RP9: variants seen among roughly 807,000 people sequenced by gnomAD.
The protein encoded by RP9 is RP9 pre-mRNA splicing factor, also known as retinitis pigmentosa 9 protein.
A neutral mutation model predicts 32.6 loss-of-function variants in RP9; 23 were observed. The observed-to-expected ratio is 0.71, with a 90% CI of 0.51 to 1.00. The LOEUF is 1.00. Ranked by LOEUF, RP9 falls within the 50% of genes least tolerant of loss-of-function variation. RP9 has a pLI of 0.00. For synonymous variants in RP9, 94 were observed against 103.6 expected (o/e 0.91, Z 0.56); for missense variants, 245 against 285.3 (o/e 0.86, Z 1.02).
At chr7:33,101,940 A>C (rs1788432233) in intron 1 of RP9, among the ~76,000 whole-genome samples, 1 of 152,228 alleles carries the variant, frequency 6.6e-6, no homozygotes, top group Non-Finnish European at 1.5e-5. Flanking sequence ...AAGGAGCTTG[A>C]CAGTAAAGTC....
intron 1 of RP9, among the ~76,000 whole-genome samples, chr7:33,102,290 A>G (rs894750132): frequency 6.6e-6 from 1 of 152,210 alleles, no homozygotes; most frequent in Non-Finnish European, 1.5e-5. Context: ...ATGTTCACGC[A>G]CAGTTTAGGT....
In RP9 at chr7:33,109,235, C is replaced by G. The variant is rs760089704; in HGVS notation, c.138G>C (p.Lys46Asn). The change falls in exon 1 of 6, where the codon AAG (lysine) becomes AAC (asparagine). Residue 46 changes from lysine (K) to asparagine (N), a missense_variant. By Grantham distance (94) the Lys-to-Asn change is moderately conservative. Coordinates refer to ENST00000297157, the MANE Select transcript of RP9 (RefSeq NM_203288.2). The surrounding 1 kb of genome is among the most constrained non-coding windows in gnomAD (Gnocchi z 4.9). ...TCGGGACTCACAAGGACTCCAGGTGCTTGAGCTGCTGCAGCTGCTGCGCGT... is the reference window on the plus strand; with the variant it reads ...TCGGGACTCACAAGGACTCCAGGTGGTTGAGCTGCTGCAGCTGCTGCGCGT... ...RHDAQQLQQL[K>N]HLESFYEKPP... 3 of 1,497,244 alleles carry G rather than the reference C, an allele frequency of 2.0e-6. No individual in the cohort carries two copies. In the South Asian group the frequency reaches 3.7e-5, roughly 19 times the overall value. The allele number at this position is 1,497,244 out of a possible 1,614,324, so 92.7% of individuals were successfully genotyped here.
intron 5 of RP9, among the ~76,000 whole-genome samples, chr7:33,095,739 A>G (rs1375371170): frequency 1.3e-5 from 2 of 152,150 alleles, no homozygotes; most frequent in African/African-American, 2.4e-5. Flanking sequence ...CTACTGCTCA[A>G]TTTCTTAATC....
intron 1 of RP9, among the ~76,000 whole-genome samples, chr7:33,108,649 C>A (rs56125367): frequency 0.011 from 1,636 of 152,318 alleles, 19 homozygotes; most frequent in Non-Finnish European, 0.016. Context: ...ATCGGGATAA[C>A]AAAGCAACCT....
chr7:33,100,279 G>T, intron 2 of RP9: 1 of 566,032 alleles, frequency 1.8e-6, no homozygotes, highest in Non-Finnish European at 3.2e-6. Flanking sequence ...CAAGAGAGAA[G>T]AGGGGCATGG....
intron 1 of RP9, among the ~76,000 whole-genome samples, chr7:33,106,931 G>T (rs1026183402): frequency 3.3e-4 from 50 of 150,594 alleles, no homozygotes; most frequent in Non-Finnish European, 6.3e-4. Context: ...GTGACAGAGC[G>T]AGACTCCATC....
At position 33,097,268 on chromosome 7, in the gene RP9, T is replaced by C; in HGVS notation, c.405+3A>G. ...TAAATTGACACTCTTGGACTTTACT[T>C]ACCACTCTGAACTGCTCTAACTTTT... On this transcript the variant is annotated splice_donor_region_variant and intron_variant, in intron 4 of 5. Transcript: ENST00000297157. The C allele has an allele frequency of 6.2e-7, 1 of 1,604,524 alleles. No individual in the cohort carries two copies. Among genetic ancestry groups the C allele is most frequent in the Non-Finnish European group, 8.5e-7 (1 of 1,171,262 alleles).
chr7:33,099,304 C>A lies in RP9; in HGVS notation c.313+3G>T. 1 of 1,612,932 alleles carries A rather than the reference C, an allele frequency of 6.2e-7. No homozygotes were observed. Among genetic ancestry groups the A allele is most frequent in the South Asian group, 1.1e-5 (1 of 91,028 alleles). ...TGGATTAGGGAAACTCTCCCACACT[C>A]ACACTGCATAACTTTGACTTCTTTC... On this transcript the variant is annotated splice_donor_region_variant and intron_variant, in intron 3 of 5. Transcript: ENST00000297157.
chr7:33,106,671 C>T (rs993376010), intron 1 of RP9, among the ~76,000 whole-genome samples: 2 of 152,232 alleles, frequency 1.3e-5, no homozygotes, highest in African/African-American at 4.8e-5. Flanking sequence ...AGTTGGTGGG[C>T]GCAGCGGCTC....
In RP9 at chr7:33,109,195, C is replaced by T; in HGVS notation, c.152+26G>A. On this transcript the variant is annotated intron_variant, in intron 1 of 5. Coordinates refer to ENST00000297157, the MANE Select transcript of RP9 (RefSeq NM_203288.2). This position sits in a 1 kb window ranked among gnomAD's most constrained non-coding sequence, Gnocchi z 4.9. ...GCCCCTGGCTTCAGAAGACTGGCCG[C>T]GCGCGGACGGCAGCTCGGGACTCAC... The T allele has an allele frequency of 2.0e-6, 3 of 1,486,070 alleles. No individual in the cohort carries two copies. The highest frequency in any genetic ancestry group is 2.7e-6 in the Non-Finnish European group (3 of 1,119,784). The allele number at this position is 1,486,070 out of a possible 1,614,324, so 92.1% of individuals were successfully genotyped here.
chr7:33,109,384 C>A lies in RP9; in HGVS notation c.-12G>T. 1 of 1,250,416 alleles carries A rather than the reference C, an allele frequency of 8.0e-7. No homozygotes were observed. The highest frequency in any genetic ancestry group is 2.2e-5 in the South Asian group (1 of 44,816). 77.5% of individuals were successfully genotyped at this position (1,250,416 alleles called of 1,614,324 possible). A position where few individuals can be genotyped will look rare whatever the true frequency, so the allele number is the denominator to read the frequency against. ...GGCCGGGACGACATGTCAGCCCCCG[C>A]AGCGCCGCTCGGGCAACCCCCGCGG... On this transcript the variant is annotated 5_prime_UTR_variant, in exon 1 of 6. Coordinates refer to ENST00000297157, the MANE Select transcript of RP9 (RefSeq NM_203288.2). This position sits in a 1 kb window ranked among gnomAD's most constrained non-coding sequence, Gnocchi z 4.9.
chr7:33,097,201 G>A lies in RP9; in HGVS notation c.405+70C>T, dbSNP rs1788349740. 4 of 1,192,378 alleles carry A rather than the reference G, an allele frequency of 3.4e-6. No individual in the cohort carries two copies. In the South Asian group the frequency reaches 3.6e-5, roughly 11 times the overall value. The allele number at this position is 1,192,378 out of a possible 1,614,324, so 73.9% of individuals were successfully genotyped here. A position where few individuals can be genotyped will look rare whatever the true frequency, so the allele number is the denominator to read the frequency against. On this transcript the variant is annotated intron_variant, in intron 4 of 5. Transcript: ENST00000297157. Reference sequence around the variant, plus strand: ...TTTATGTGACCATTCAAGTTCACTGGTGACTTTCTGCTTCACTGATTTTCA... The same window carrying A: ...TTTATGTGACCATTCAAGTTCACTGATGACTTTCTGCTTCACTGATTTTCA...
intron 3 of RP9, among the ~76,000 whole-genome samples, chr7:33,097,862 C>T (rs1163219891): frequency 3.9e-5 from 6 of 152,094 alleles, no homozygotes; most frequent in African/African-American, 9.6e-5. Context: ...TCAGGTGATC[C>T]GCCCGCCTCA....
chr7:33,099,234 T>A (rs1056565080), intron 3 of RP9, 73 bp downstream of exon 3: 3 of 1,553,984 alleles, frequency 1.9e-6, no homozygotes, highest in Middle Eastern at 4.6e-4. Context: ...ACAAGTTAAA[T>A]AAAAGAAGTA....
intron 1 of RP9, among the ~76,000 whole-genome samples, chr7:33,101,501 C>T (rs1788424157): frequency 6.6e-6 from 1 of 151,884 alleles, no homozygotes; most frequent in Admixed American, 6.6e-5. Context: ...ACTCAGGAGG[C>T]TGAGGCAGAA....
chr7:33,105,648 A>G (rs1788488449), intron 1 of RP9, among the ~76,000 whole-genome samples: 1 of 152,208 alleles, frequency 6.6e-6, no homozygotes, highest in Non-Finnish European at 1.5e-5. Flanking sequence ...AGGACCCCTC[A>G]TTCCAGAAAG....
intron 1 of RP9, among the ~76,000 whole-genome samples, chr7:33,107,099 T>C (rs1788510555): frequency 6.6e-6 from 1 of 152,234 alleles, no homozygotes; most frequent in Non-Finnish European, 1.5e-5. Context: ...GGTAGCACTT[T>C]TAGTACTATT....
intron 1 of RP9, among the ~76,000 whole-genome samples, chr7:33,108,475 G>C (rs1183752458): frequency 6.6e-6 from 1 of 152,154 alleles, no homozygotes; most frequent in Non-Finnish European, 1.5e-5. Flanking sequence ...CCCCTCAACT[G>C]CCTAAAATAA....
At chr7:33,101,871 A>G (rs1788431074) in intron 1 of RP9, among the ~76,000 whole-genome samples, 1 of 152,220 alleles carries the variant, frequency 6.6e-6, no homozygotes. Context: ...TGAAGATGAT[A>G]GTTTATCTGT....
Sources: gnomAD v4.1 joint callset for allele counts (sites outside exome capture counted in the v4.1 genomes callset) on GRCh38, gnomAD v4.1.1 for gene constraint, Gnocchi (gnomAD v3.1) non-coding constraint, MANE v1.5 for transcripts, NCBI Gene and HGNC (gene_info 2026-07-23, HGNC 2026-07-21) for gene names.